CA2: variants seen among roughly 807,000 people sequenced by gnomAD.
CA2 encodes the protein carbonate dehydratase II.
In CA2, 23 loss-of-function variants were observed where a neutral mutation model predicts 27.8. The observed-to-expected ratio is 0.83, with a 90% CI of 0.59 to 1.17. The LOEUF (loss-of-function observed/expected upper bound fraction) is 1.17. Among genes scored for constraint, CA2 ranks in the 50% most tolerant of loss-of-function variants. CA2 has a pLI of 0.00. For missense variants in CA2, 300 were observed against 314.7 expected (o/e 0.95, Z 0.35); for synonymous variants, 99 against 114.9 (o/e 0.86, Z 0.88).
intron 6 of CA2, among the ~76,000 whole-genome samples, chr8:85,478,150 G>A (rs1811833556): frequency 6.6e-6 from 1 of 152,210 alleles, no homozygotes; most frequent in African/African-American, 2.4e-5. Flanking sequence ...CTGAGATGCA[G>A]GAAAATTGAA....
chr8:85,477,288 A>G lies in CA2; in HGVS notation c.663+13A>G. 2 of 1,614,028 alleles carry G rather than the reference A, an allele frequency of 1.2e-6. No individual in the cohort carries two copies. The highest frequency in any genetic ancestry group is 1.1e-5 in the South Asian group (1 of 91,066). On this transcript the variant is annotated intron_variant, in intron 6 of 6. Coordinates refer to ENST00000285379, the MANE Select transcript of CA2 (RefSeq NM_000067.3). ...CAGCAGCGAGCAGGTTTGTTTTGTA[A>G]TGACAGGTCTGTTTACGGGTGGAGC...
rs190524870 is a variant in CA2, at chr8:85,471,403, T to A, written c.233-2290T>A. Among the ~76,000 whole-genome samples the A allele has an allele frequency of 3.3e-4, 50 of 151,920 alleles. No homozygotes were observed. In the East Asian group the frequency reaches 8.5e-3, roughly 26 times the overall value. ...ACTTTATCTTTTTTTTTTTTTAGTGTTAGCTGTTAGCAAGTATTGTTTACT... is the reference window on the plus strand; with the variant it reads ...ACTTTATCTTTTTTTTTTTTTAGTGATAGCTGTTAGCAAGTATTGTTTACT... On this transcript the variant is annotated intron_variant, in intron 2 of 6. Transcript: ENST00000285379.
At chr8:85,475,936 T>C (rs1811791630) in intron 5 of CA2, 76 bp downstream of exon 5, 3 of 1,165,582 alleles carry the variant, frequency 2.6e-6, no homozygotes, top group Non-Finnish European at 2.6e-6. Flanking sequence ...TTTCTTTTGA[T>C]CAAATTGCAC....
chr8:85,477,306 G>T, intron 6 of CA2, 31 bp downstream of exon 6: 2 of 1,613,682 alleles, frequency 1.2e-6, no homozygotes, highest in Non-Finnish European at 1.7e-6. Flanking sequence ...TCTGTTTACG[G>T]GTGGAGCATT....
At chr8:85,466,873 T>C (rs921389100) in intron 2 of CA2, among the ~76,000 whole-genome samples, 11 of 152,182 alleles carry the variant, frequency 7.2e-5, no homozygotes, top group Admixed American at 4.6e-4. Context: ...TTTTTTCTTG[T>C]AAAGAATACT....
chr8:85,465,150 T>C (rs1811607097), intron 1 of CA2, 122 bp from the exon 2 acceptor site: 1 of 747,228 alleles, frequency 1.3e-6, no homozygotes, highest in Non-Finnish European at 2.3e-6. Context: ...ATTTAGCCCA[T>C]TGTTAAGTGA....
At position 85,465,433 on chromosome 8, in the gene CA2, T is replaced by G. The variant is rs1811614227; in HGVS notation, c.196T>G (p.Phe66Val). 6.2e-7 allele frequency: 1 copy of G among 1,614,192 alleles called. No individual in the cohort carries two copies. ...GAGGATCCTCAACAATGGTCATGCTTTCAACGTGGAGTTTGATGACTCTCA... is the reference window on the plus strand; with the variant it reads ...GAGGATCCTCAACAATGGTCATGCTGTCAACGTGGAGTTTGATGACTCTCA... ...SLRILNNGHA[F>V]NVEFDDSQDK... is the part of the protein sequence containing the mutation. Residue 66 changes from phenylalanine (F) to valine (V), a missense_variant, in exon 2 of 7, where the codon TTC becomes GTC. Physicochemically the swap from Phe to Val is conservative, Grantham distance 50 (BLOSUM62 -1). Transcript: ENST00000285379.
At chr8:85,473,168 T>A in intron 2 of CA2, among the ~76,000 whole-genome samples, 1 of 152,068 alleles carries the variant, frequency 6.6e-6, no homozygotes, top group South Asian at 2.1e-4. Context: ...ATTTCACAAA[T>A]TCGGGTGTCT....
chr8:85,474,161 G>A lies in CA2; in HGVS notation c.352-163G>A, dbSNP rs566334130. Among the ~76,000 whole-genome samples, 66 of 152,314 alleles carry A rather than the reference G, an allele frequency of 4.3e-4. 1 individual carries two copies. In the South Asian group the frequency reaches 0.012, roughly 29 times the overall value. ...AACACTTGCTGTTATACCAAGTACT[G>A]TGTGGATGATTAGAATTAAAATGAA... On this transcript the variant is annotated intron_variant, in intron 3 of 6. Transcript: ENST00000285379.
At chr8:85,480,576 C>T (rs1811874237) in intron 6 of CA2, 94 bp from the exon 7 acceptor site, 1 of 1,302,334 alleles carries the variant, frequency 7.7e-7, no homozygotes, top group Non-Finnish European at 1.1e-6. Context: ...AGCCACTGCG[C>T]CTGGCCGGGG....
chr8:85,473,278 A>C, intron 2 of CA2: 1 of 386,116 alleles, frequency 2.6e-6, no homozygotes, highest in Non-Finnish European at 5.1e-6. Flanking sequence ...TAGCAGACCA[A>C]TTTATTGGCC....
chr8:85,464,314 GC>G, intron 1 of CA2, 199 bp downstream of exon 1: 1 of 481,076 alleles, frequency 2.1e-6, no homozygotes, highest in Non-Finnish European at 3.6e-6. Context: ...TGTCCCCCTT[GC>G]CCCAGCTGCG....
chr8:85,464,324 C>A (rs1326997421), intron 1 of CA2: 3 of 473,602 alleles, frequency 6.3e-6, no homozygotes, highest in Non-Finnish European at 1.1e-5. Context: ...GCCCCAGCTG[C>A]GAGGCCACTG....
chr8:85,477,260 C>T lies in CA2; in HGVS notation c.648C>T (p.Ser216=), dbSNP rs376387073. 4.6e-4 allele frequency: 747 copies of T among 1,614,078 alleles called. 10 individuals carry two copies. In the South Asian group the frequency reaches 7.8e-3, roughly 17 times the overall value. The change falls in exon 6 of 7, where the codon AGC becomes AGT. Residue 216 remains serine, a synonymous_variant. Coordinates refer to ENST00000285379, the MANE Select transcript of CA2 (RefSeq NM_000067.3). Reference sequence around the variant, plus strand: ...GGATTGTGCTCAAGGAACCCATCAGCGTCAGCAGCGAGCAGGTTTGTTTTG... The same window carrying T: ...GGATTGTGCTCAAGGAACCCATCAGTGTCAGCAGCGAGCAGGTTTGTTTTG... ...VTWIVLKEPI[S]VSSEQVLKFR...
chr8:85,480,777 T>G lies in CA2; in HGVS notation c.771T>G (p.Ala257=). The G allele has an allele frequency of 6.2e-7, 1 of 1,613,864 alleles. No individual in the cohort carries two copies. The highest frequency in any genetic ancestry group is 8.5e-7 in the Non-Finnish European group (1 of 1,179,844). The part of the protein sequence containing the change: ...AQPLKNRQIK[A]SFK ...CACTGAAGAACAGGCAAATCAAAGC[T>G]TCCTTCAAATAAGATGGTCCCATAG... The change falls in exon 7 of 7, where the codon GCT becomes GCG. Residue 257 remains alanine, a synonymous_variant. Transcript: ENST00000285379.
chr8:85,473,013 TAAATAAATA>T (rs1475004400), intron 2 of CA2, among the ~76,000 whole-genome samples: 2 of 13,136 alleles, frequency 1.5e-4, no homozygotes, highest in South Asian at 1.4e-3. Context: ...ATAATAATAA[TAAATAAATA>T]AATAAATAAA....
intron 2 of CA2, among the ~76,000 whole-genome samples, chr8:85,473,223 A>G (rs1019993271): frequency 6.6e-6 from 1 of 152,122 alleles, no homozygotes; most frequent in Non-Finnish European, 1.5e-5. Flanking sequence ...TATGGCAGCA[A>G]TCGGGCCTTG....
chr8:85,480,536 G>A (rs1008442829), intron 6 of CA2, 134 bp from the exon 7 acceptor site: 2 of 824,444 alleles, frequency 2.4e-6, no homozygotes, highest in Admixed American at 4.1e-5. Flanking sequence ...TCATGCCTCA[G>A]CCTTACAAAG....
chr8:85,474,650 A>T (rs1327824973), intron 4 of CA2: 2 of 535,826 alleles, frequency 3.7e-6, no homozygotes, highest in South Asian at 4.1e-5. Context: ...TGTGAAGAAC[A>T]TAAAGAGATC....
Sources: gnomAD v4.1 joint callset for allele counts (sites outside exome capture counted in the v4.1 genomes callset) on GRCh38, gnomAD v4.1.1 for gene constraint, MANE v1.5 for transcripts, NCBI Gene and HGNC (gene_info 2026-07-23, HGNC 2026-07-21) for gene names.